Variants in NF1 observed in about 807,000 individuals in gnomAD.
NF1 encodes neurofibromin.
In NF1, 122 loss-of-function variants were observed where a neutral mutation model predicts 325.7. That is an observed-to-expected ratio of 0.37 (90% CI 0.32 to 0.44). NF1 has a LOEUF of 0.44. Ranked by LOEUF, NF1 falls within the 20% of genes least tolerant of loss-of-function variation. NF1 has a pLI of 1.00. For synonymous variants in NF1, 1,091 were observed against 1,186.0 expected (o/e 0.92, Z 1.65); for missense variants, 2,140 against 3,415.4 (o/e 0.63, Z 9.31).
In NF1 at chr17:31,231,212, G is replaced by A. The variant is rs17884401; in HGVS notation, c.3197+287G>A. Among the ~76,000 whole-genome samples, 8,083 of 152,148 alleles carry A rather than the reference G, an allele frequency of 0.053. 281 individuals are homozygous for A. Among genetic ancestry groups the A allele is most frequent in the Non-Finnish European group, 0.081 (5,524 of 67,966 alleles). On this transcript the variant is annotated intron_variant, in intron 24 of 57. Transcript: ENST00000358273. ...AATAAGATACATAAAGCCTCAGATTGCATTTGTGTTATGATTAGATAGATA... is the reference window on the plus strand; with the variant it reads ...AATAAGATACATAAAGCCTCAGATTACATTTGTGTTATGATTAGATAGATA...
chr17:31,284,322 A>G (rs2068181816), intron 36 of NF1, among the ~76,000 whole-genome samples: 1 of 151,418 alleles, frequency 6.6e-6, no homozygotes, highest in South Asian at 2.1e-4. Flanking sequence ...TCACTATGTC[A>G]CCCAGCCTGG....
At chr17:31,130,423 A>T (rs1438595734) in intron 1 of NF1, among the ~76,000 whole-genome samples, 1 of 152,164 alleles carries the variant, frequency 6.6e-6, no homozygotes, top group Non-Finnish European at 1.5e-5. Context: ...GCTGGCCTCC[A>T]TGTGGGCATT....
At chr17:31,236,123 C>G (rs1419836477) in intron 29 of NF1, 102 bp downstream of exon 29, 6 of 800,764 alleles carry the variant, frequency 7.5e-6, no homozygotes, top group African/African-American at 1.8e-5. Context: ...TCCCCTTGAT[C>G]ATTAAAATTA....
At chr17:31,269,625 A>C (rs1246220855) in intron 36 of NF1, among the ~76,000 whole-genome samples, 1 of 152,244 alleles carries the variant, frequency 6.6e-6, no homozygotes, top group Non-Finnish European at 1.5e-5. Flanking sequence ...TTTAAACAGT[A>C]TCATCTGCAG....
At chr17:31,290,991 G>A (rs1409363397) in intron 36 of NF1, among the ~76,000 whole-genome samples, 1 of 149,530 alleles carries the variant, frequency 6.7e-6, no homozygotes, top group Non-Finnish European at 1.5e-5. Flanking sequence ...GAGTGACAGA[G>A]CAAGACTCTG....
At position 31,260,413 on chromosome 17, in the gene NF1, T is replaced by C. The variant is rs2067663652; in HGVS notation, c.4475T>C (p.Val1492Ala). ...IASDCPTSDA[V>A]NHSLSFISDG... ...TCTGATTGTCCTACAAGTGATGCAGTAAATCATAGTCTTTCCTTCATAAGT... is the reference window on the plus strand; with the variant it reads ...TCTGATTGTCCTACAAGTGATGCAGCAAATCATAGTCTTTCCTTCATAAGT... Residue 1492 changes from valine to alanine, a missense_variant, in exon 34 of 58, where the codon GTA (valine) becomes GCA (alanine). By Grantham distance (64) the Val-to-Ala change is moderately conservative. Coordinates refer to ENST00000358273, the MANE Select transcript of NF1 (RefSeq NM_001042492.3). The C allele has an allele frequency of 6.2e-7, 1 of 1,614,032 alleles. No individual in the cohort carries two copies. The highest frequency in any genetic ancestry group is 1.3e-5 in the African/African-American group (1 of 75,052).
Position 31,360,558 on chromosome 17 carries a change from T to C in NF1, c.8232T>C (p.Pro2744=). 1 of 1,614,140 alleles carries C rather than the reference T, an allele frequency of 6.2e-7. No homozygotes were observed. Among genetic ancestry groups the C allele is most frequent in the Middle Eastern group, 1.6e-4 (1 of 6,062 alleles). Residue 2744 remains proline, a synonymous_variant, in exon 57 of 58, where the codon CCT becomes CCC. Transcript: ENST00000358273. ...ATGCCTTGATTGACACGTACCTGCC[T>C]GGAATTGATGAAGAAACCAGTGAAG... ...FLDALIDTYL[P]GIDEETSEES... is the part of the protein sequence containing the mutation.
intron 36 of NF1, among the ~76,000 whole-genome samples, chr17:31,277,835 TCA>T (rs1258874687): frequency 6.6e-6 from 1 of 152,254 alleles, no homozygotes; most frequent in African/African-American, 2.4e-5. Flanking sequence ...AGGTGTAGTA[TCA>T]CACTGTCTCT....
chr17:31,291,326 A>G (rs754412644), intron 36 of NF1, among the ~76,000 whole-genome samples: 2 of 152,144 alleles, frequency 1.3e-5, no homozygotes, highest in Non-Finnish European at 2.9e-5. Context: ...TATACTTCTC[A>G]TTAATATTTT....
chr17:31,359,082 C>A (rs1425833221), intron 56 of NF1, 67 bp downstream of exon 56: 4 of 1,228,810 alleles, frequency 3.3e-6, no homozygotes, highest in Middle Eastern at 2.0e-4. Context: ...AGTATGCCTG[C>A]TTTAAGAACA....
chr17:31,318,186 T>C, intron 36 of NF1: 1 of 1,308,044 alleles, frequency 7.6e-7, no homozygotes, highest in Non-Finnish European at 1.0e-6. Flanking sequence ...TGATTCTAAA[T>C]TGCAAGGTCT....
chr17:31,303,625 G>GC (rs917794702), intron 36 of NF1: 20 of 151,822 alleles, frequency 1.3e-4, no homozygotes, highest in Admixed American at 3.9e-4. Context: ...TAAAATTTGT[G>GC]CCCCCCCAAC....
rs561874066 is a variant in NF1, at chr17:31,358,300, C to G, written c.7971-180C>G. 8.8e-4 allele frequency: 561 copies of G among 638,196 alleles called. 3 individuals are homozygous for G. Among genetic ancestry groups the G allele is most frequent in the Admixed American group, 1.3e-3 (46 of 35,990 alleles). 39.5% of individuals were successfully genotyped at this position (638,196 alleles called of 1,614,324 possible). A position where few individuals can be genotyped will look rare whatever the true frequency, so the allele number is the denominator to read the frequency against. ...AACAAAAGACAAACAAAAACAGACACACACACATGTTCATTGTAGAAAATT... is the reference window on the plus strand; with the variant it reads ...AACAAAAGACAAACAAAAACAGACAGACACACATGTTCATTGTAGAAAATT... On this transcript the variant is annotated intron_variant, in intron 54 of 57. Coordinates refer to ENST00000358273, the MANE Select transcript of NF1 (RefSeq NM_001042492.3).
intron 51 of NF1, among the ~76,000 whole-genome samples, chr17:31,354,112 G>T (rs762999134): frequency 6.6e-6 from 1 of 152,186 alleles, no homozygotes; most frequent in African/African-American, 2.4e-5. Flanking sequence ...CATGTACTAA[G>T]TGAAAAAGAT....
At chr17:31,246,105 T>A (rs1034912794) in intron 29 of NF1, among the ~76,000 whole-genome samples, 1 of 152,210 alleles carries the variant, frequency 6.6e-6, no homozygotes, top group Non-Finnish European at 1.5e-5. Flanking sequence ...TATTGAGTAC[T>A]TAGTGTGGAA....
At chr17:31,231,685 A>G (rs746725310) in intron 24 of NF1, among the ~76,000 whole-genome samples, 1 of 152,222 alleles carries the variant, frequency 6.6e-6, no homozygotes, top group Non-Finnish European at 1.5e-5. Context: ...AGGGAATAAC[A>G]ACAACAAAAA....
At chr17:31,204,677 T>C (rs2066589449) in intron 11 of NF1, among the ~76,000 whole-genome samples, 1 of 152,034 alleles carries the variant, frequency 6.6e-6, no homozygotes, top group Non-Finnish European at 1.5e-5. Context: ...TTTCAAAAGC[T>C]ATTAAAAAAA....
At position 31,158,992 on chromosome 17, in the gene NF1, G is replaced by A; in HGVS notation, c.205-18G>A. The A allele has an allele frequency of 6.8e-7, 1 of 1,461,660 alleles. No homozygotes were observed. Among genetic ancestry groups the A allele is most frequent in the East Asian group, 2.3e-5 (1 of 43,996 alleles). 90.5% of individuals were successfully genotyped at this position (1,461,660 alleles called of 1,614,324 possible). Reference sequence around the variant, plus strand: ...AAAGTGAAACTAACTTTTATGTTCTGAATATCTTTTCTGTTAGAGAATATT... The same window carrying A: ...AAAGTGAAACTAACTTTTATGTTCTAAATATCTTTTCTGTTAGAGAATATT... On this transcript the variant is annotated intron_variant, in intron 2 of 57. Transcript: ENST00000358273.
At chr17:31,342,292 A>G (rs1194655947) in intron 47 of NF1, among the ~76,000 whole-genome samples, 2 of 152,046 alleles carry the variant, frequency 1.3e-5, no homozygotes, top group Non-Finnish European at 2.9e-5. Flanking sequence ...TTGGCTATTT[A>G]TATGTTAAGA....
Sources: gnomAD v4.1 joint callset for allele counts (sites outside exome capture counted in the v4.1 genomes callset) on GRCh38, gnomAD v4.1.1 for gene constraint, MANE v1.5 for transcripts, NCBI Gene and HGNC (gene_info 2026-07-23, HGNC 2026-07-21) for gene names.